Variants in SLC25A48 observed in about 807,000 individuals in gnomAD.
The protein encoded by SLC25A48 is solute carrier family 25 member 48, also known as CTC-321K16.1.
In SLC25A48, 29 loss-of-function variants were observed where a neutral mutation model predicts 32.2. The ratio of observed to expected loss-of-function variants is 0.90; its 90% CI spans 0.67 to 1.23. The LOEUF (loss-of-function observed/expected upper bound fraction) is 1.23. Among genes scored for constraint, SLC25A48 ranks in the 50% most tolerant of loss-of-function variants. The pLI is 0.00. For synonymous variants in SLC25A48, 164 were observed against 172.3 expected (o/e 0.95, Z 0.38); for missense variants, 399 against 422.7 (o/e 0.94, Z 0.49).
intron 1 of SLC25A48, among the ~76,000 whole-genome samples, chr5:135,620,010 A>G (rs1248344941): frequency 1.3e-5 from 2 of 152,174 alleles, no homozygotes; most frequent in South Asian, 2.1e-4. Flanking sequence ...TGGCAACAGA[A>G]GTAGGTTGGG....
intron 4 of SLC25A48, among the ~76,000 whole-genome samples, chr5:135,864,792 A>G (rs1252136156): frequency 6.6e-6 from 1 of 152,246 alleles, no homozygotes; most frequent in African/African-American, 2.4e-5. Context: ...AATTACGTAC[A>G]TTGGTGACAC....
intron 3 of SLC25A48, chr5:135,746,242 GC>G (rs1486852609): frequency 6.0e-6 from 1 of 165,588 alleles, no homozygotes; most frequent in Non-Finnish European, 1.3e-5. Flanking sequence ...TTGAGGCCTT[GC>G]CTTTTTCTTA....
At chr5:135,821,919 ACG>A (rs1757898286) in intron 4 of SLC25A48, 1 of 152,180 alleles carries the variant, frequency 6.6e-6, no homozygotes, top group Non-Finnish European at 1.5e-5. Flanking sequence ...CCAAAACACA[ACG>A]CCGGAAGTGG....
intron 4 of SLC25A48, chr5:135,825,059 AAG>A (rs1757997368): frequency 6.6e-6 from 1 of 152,212 alleles, no homozygotes; most frequent in Non-Finnish European, 1.5e-5. Flanking sequence ...TTCCTTATAA[AAG>A]AGAGAACAGC....
chr5:135,635,759 C>A (rs1170983603), intron 3 of SLC25A48, among the ~76,000 whole-genome samples: 1 of 152,192 alleles, frequency 6.6e-6, no homozygotes, highest in Admixed American at 6.5e-5. Flanking sequence ...ATACTGACAG[C>A]TAGCTCTCAC....
At chr5:135,613,647 CTA>C (rs933846091) in intron 1 of SLC25A48, among the ~76,000 whole-genome samples, 1 of 152,142 alleles carries the variant, frequency 6.6e-6, no homozygotes, top group African/African-American at 2.4e-5. Context: ...AATATCCAGT[CTA>C]TGGATCTATG....
At chr5:135,645,055 G>A (rs1487292720) in intron 3 of SLC25A48, among the ~76,000 whole-genome samples, 1 of 152,168 alleles carries the variant, frequency 6.6e-6, no homozygotes, top group Non-Finnish European at 1.5e-5. Flanking sequence ...GCTCCACAAG[G>A]CTTCCTCTGC....
At chr5:135,631,518 A>G (rs1367881591) in intron 2 of SLC25A48, among the ~76,000 whole-genome samples, 1 of 152,224 alleles carries the variant, frequency 6.6e-6, no homozygotes, top group Non-Finnish European at 1.5e-5. Context: ...TCATTTTAGA[A>G]AGGTTTCAGG....
At chr5:135,718,773 C>T (rs1252827639) in intron 3 of SLC25A48, among the ~76,000 whole-genome samples, 2 of 152,102 alleles carry the variant, frequency 1.3e-5, no homozygotes, top group African/African-American at 2.4e-5. Context: ...CTGTATGATT[C>T]CATTTATGTA....
At chr5:135,696,726 C>T (rs1341104418) in intron 3 of SLC25A48, among the ~76,000 whole-genome samples, 1 of 152,176 alleles carries the variant, frequency 6.6e-6, no homozygotes, top group African/African-American at 2.4e-5. Flanking sequence ...TTCACTCATT[C>T]CCTGTACACC....
intron 3 of SLC25A48, among the ~76,000 whole-genome samples, chr5:135,663,128 A>C (rs1008351878): frequency 1.3e-5 from 2 of 152,220 alleles, no homozygotes; most frequent in South Asian, 4.2e-4. Flanking sequence ...TCCATGACAT[A>C]TCATTGCTCA....
At chr5:135,715,063 G>A (rs534797422) in intron 3 of SLC25A48, among the ~76,000 whole-genome samples, 2 of 152,196 alleles carry the variant, frequency 1.3e-5, no homozygotes, top group Non-Finnish European at 2.9e-5. Context: ...GGCCGCATTG[G>A]AGAGGCAGGA....
intron 4 of SLC25A48, among the ~76,000 whole-genome samples, chr5:135,860,096 G>T (rs78630912): frequency 0.013 from 2,038 of 152,258 alleles, 37 homozygotes; most frequent in African/African-American, 0.043. Flanking sequence ...GTCTGGCAAA[G>T]TTAGCTCAGC....
intron 4 of SLC25A48, among the ~76,000 whole-genome samples, chr5:135,860,723 G>C (rs1017806199): frequency 1.3e-5 from 2 of 152,210 alleles, no homozygotes; most frequent in Non-Finnish European, 2.9e-5. Context: ...TGTGTTGACT[G>C]TGCTCATGTG....
chr5:135,788,088 G>T (rs560253211), intron 3 of SLC25A48, among the ~76,000 whole-genome samples: 25 of 152,070 alleles, frequency 1.6e-4, no homozygotes, highest in Admixed American at 1.6e-3. Flanking sequence ...AGTAATATCT[G>T]AGGGGAGACG....
At chr5:135,883,292 T>G in intron 7 of SLC25A48, 2 of 985,448 alleles carry the variant, frequency 2.0e-6, no homozygotes, top group Non-Finnish European at 2.4e-6. Flanking sequence ...CACCAACTAT[T>G]CCAGCTTTGG....
At chr5:135,628,805 T>G (rs1156850337) in intron 1 of SLC25A48, among the ~76,000 whole-genome samples, 1 of 152,088 alleles carries the variant, frequency 6.6e-6, no homozygotes, top group African/African-American at 2.4e-5. Flanking sequence ...CTCCCTCCTA[T>G]TTTGGAGGGA....
chr5:135,592,447 C>G (rs143895698), intron 1 of SLC25A48, among the ~76,000 whole-genome samples: 1 of 152,294 alleles, frequency 6.6e-6, no homozygotes, highest in African/African-American at 2.4e-5. Flanking sequence ...AGATTAGTAC[C>G]AGGACTGTAT....
At position 135,852,621 on chromosome 5, in the gene SLC25A48, C is replaced by T. The variant is rs774636813; in HGVS notation, c.221C>T (p.Ser74Phe). 1.9e-6 allele frequency: 3 copies of T among 1,612,842 alleles called. No individual in the cohort carries two copies. The South Asian group carries it at 3.3e-5, about 18-fold the overall frequency. The change falls in exon 4 of 8, where the codon TCC becomes TTC. Residue 74 changes from serine to phenylalanine, a missense_variant. By Grantham distance (155) the Ser-to-Phe change is radical. Coordinates refer to ENST00000681962, the MANE Select transcript of SLC25A48 (RefSeq NM_001349336.2). ...CTCGCCAGCATTGCCGTCTACAACT[C>T]CGTGGTGTTTGGGGTCTTCAGTAAC... ...FPLASIAVYN[S>F]VVFGVFSNTQ...
Sources: gnomAD v4.1 joint callset for allele counts (sites outside exome capture counted in the v4.1 genomes callset) on GRCh38, gnomAD v4.1.1 for gene constraint, MANE v1.5 for transcripts, NCBI Gene and HGNC (gene_info 2026-07-23, HGNC 2026-07-21) for gene names.